The following GALNTL6 variants were observed in gnomAD, a reference collection of about 807,000 sequenced individuals.
GALNTL6 encodes polypeptide N-acetylgalactosaminyltransferase like 6, also known as polypeptide N-acetylgalactosaminyltransferase-like 6.
In GALNTL6, 46 loss-of-function variants were observed where a neutral mutation model predicts 73.7. That is an observed-to-expected ratio of 0.62 (90% CI 0.49 to 0.80). GALNTL6 has a LOEUF of 0.80. Ranked by LOEUF, GALNTL6 falls within the 30% of genes least tolerant of loss-of-function variation. The pLI is 0.00. For missense variants in GALNTL6, 604 were observed against 755.0 expected, an observed-to-expected ratio of 0.80 and a Z score of 2.34; for synonymous variants, 259 against 263.7, an observed-to-expected ratio of 0.98 and a Z score of 0.17.
chr4:172,502,115 C>T (rs910574743), intron 5 of GALNTL6, among the ~76,000 whole-genome samples: 2 of 152,106 alleles, frequency 1.3e-5, no homozygotes, highest in Non-Finnish European at 2.9e-5. Flanking sequence ...ATACTCCTTC[C>T]AGCTATTTAC....
At chr4:172,426,652 G>T (rs1029498216) in intron 5 of GALNTL6, among the ~76,000 whole-genome samples, 3 of 152,142 alleles carry the variant, frequency 2.0e-5, no homozygotes, top group Non-Finnish European at 4.4e-5. Context: ...GTAACAAGCT[G>T]TCTGCCATTT....
intron 10 of GALNTL6, among the ~76,000 whole-genome samples, chr4:172,958,923 A>T (rs895931738): frequency 9.2e-5 from 14 of 152,202 alleles, no homozygotes; most frequent in African/African-American, 3.4e-4. Flanking sequence ...GGTTGGCACC[A>T]TGGGGTGGAT....
At chr4:172,886,257 T>C (rs1039246706) in intron 8 of GALNTL6, among the ~76,000 whole-genome samples, 1 of 152,244 alleles carries the variant, frequency 6.6e-6, no homozygotes, top group Non-Finnish European at 1.5e-5. Flanking sequence ...TTCTTCATGG[T>C]TCAATCTTCA....
intron 4 of GALNTL6, among the ~76,000 whole-genome samples, chr4:172,344,699 G>C (rs578151214): frequency 6.6e-6 from 1 of 152,262 alleles, no homozygotes; most frequent in African/African-American, 2.4e-5. Context: ...CAGACTCATT[G>C]ATAAAGACGT....
chr4:172,721,380 C>T (rs1020359004), intron 5 of GALNTL6, among the ~76,000 whole-genome samples: 44 of 152,164 alleles, frequency 2.9e-4, no homozygotes, highest in Non-Finnish European at 1.2e-4. Context: ...TTTGAAACAA[C>T]TTCTTCTTAG....
chr4:172,206,791 TGTTTTG>T (rs1560969233), intron 2 of GALNTL6, among the ~76,000 whole-genome samples: 963 of 52,536 alleles, frequency 0.018, 237 homozygotes, highest in Non-Finnish European at 0.039. Context: ...TGTTTTGTTT[TGTTTTG>T]TTTTTCTGTT....
intron 2 of GALNTL6, among the ~76,000 whole-genome samples, chr4:171,877,029 G>C (rs978362967): frequency 6.6e-6 from 1 of 152,008 alleles, no homozygotes; most frequent in African/African-American, 2.4e-5. Flanking sequence ...TGAGCTACTC[G>C]ACCGCCCTCA....
intron 2 of GALNTL6, among the ~76,000 whole-genome samples, chr4:171,834,012 C>T (rs1268169322): frequency 6.6e-6 from 1 of 151,496 alleles, no homozygotes; most frequent in Non-Finnish European, 1.5e-5. Context: ...TGAGAGACTT[C>T]TTTCTTTGAA....
intron 2 of GALNTL6, among the ~76,000 whole-genome samples, chr4:171,840,727 A>G (rs938388466): frequency 6.6e-5 from 10 of 152,106 alleles, no homozygotes; most frequent in Non-Finnish European, 8.8e-5. Context: ...GTAACAATAT[A>G]TAACTTTCCA....
chr4:172,551,128 T>G (rs1313241815), intron 5 of GALNTL6, among the ~76,000 whole-genome samples: 1 of 152,238 alleles, frequency 6.6e-6, no homozygotes, highest in Admixed American at 6.5e-5. Context: ...GCACATACTT[T>G]GAATAGCAAG....
At chr4:172,180,290 GTTGT>G (rs1263695321) in intron 2 of GALNTL6, among the ~76,000 whole-genome samples, 3 of 152,072 alleles carry the variant, frequency 2.0e-5, no homozygotes, top group Admixed American at 2.0e-4. Context: ...TTTTGATGGG[GTTGT>G]TTGTTTTTAT....
At chr4:171,960,870 GTC>G (rs1739202089) in intron 2 of GALNTL6, among the ~76,000 whole-genome samples, 2 of 151,758 alleles carry the variant, frequency 1.3e-5, no homozygotes, top group African/African-American at 4.8e-5. Context: ...AGTTGCTTTA[GTC>G]TCTTTCATTG....
chr4:171,847,620 A>G (rs986979749), intron 2 of GALNTL6, among the ~76,000 whole-genome samples: 2 of 152,170 alleles, frequency 1.3e-5, no homozygotes, highest in African/African-American at 2.4e-5. Context: ...TGCTTTATCA[A>G]CTAAGTTTAT....
At chr4:171,957,763 T>C (rs1033790534) in intron 2 of GALNTL6, among the ~76,000 whole-genome samples, 1 of 152,300 alleles carries the variant, frequency 6.6e-6, no homozygotes, top group Admixed American at 6.5e-5. Context: ...AGGTGTACAA[T>C]CCATTCTCTC....
chr4:172,102,757 T>G (rs1318958315), intron 2 of GALNTL6, among the ~76,000 whole-genome samples: 3 of 152,180 alleles, frequency 2.0e-5, no homozygotes, highest in Non-Finnish European at 4.4e-5. Context: ...CTCTGTTACA[T>G]TCTTACTCTG....
chr4:172,837,821 T>G (rs1378613347), intron 7 of GALNTL6, among the ~76,000 whole-genome samples: 2 of 152,214 alleles, frequency 1.3e-5, no homozygotes, highest in African/African-American at 4.8e-5. Flanking sequence ...CAATCCTGGA[T>G]AGCTAAAAAC....
chr4:172,213,838 G>T (rs185981130), intron 2 of GALNTL6, among the ~76,000 whole-genome samples: 30 of 152,090 alleles, frequency 2.0e-4, no homozygotes, highest in Admixed American at 2.6e-4. Context: ...TATGGACTGC[G>T]CTTTTGTATC....
At chr4:172,195,400 T>C (rs1579239819) in intron 2 of GALNTL6, among the ~76,000 whole-genome samples, 1 of 152,146 alleles carries the variant, frequency 6.6e-6, no homozygotes, top group African/African-American at 2.4e-5. Context: ...AACAAATATA[T>C]TCAGGACTTG....
At chr4:172,791,794 A>AG (rs1210891328) in intron 5 of GALNTL6, among the ~76,000 whole-genome samples, 1 of 152,096 alleles carries the variant, frequency 6.6e-6, no homozygotes, top group Non-Finnish European at 1.5e-5. Flanking sequence ...GTTTAGGAAA[A>AG]GAAAAAAAAA....
Sources: gnomAD v4.1 joint callset for allele counts (sites outside exome capture counted in the v4.1 genomes callset) on GRCh38, gnomAD v4.1.1 for gene constraint, MANE v1.5 for transcripts, NCBI Gene and HGNC (gene_info 2026-07-23, HGNC 2026-07-21) for gene names.